The following ZNF385D variants were observed in gnomAD, a reference collection of about 807,000 sequenced individuals.
The protein encoded by ZNF385D is zinc finger protein 659.
In ZNF385D, 15 loss-of-function variants were observed where a neutral mutation model predicts 35.8. The observed-to-expected ratio is 0.42, with a 90% CI of 0.28 to 0.64. The LOEUF (loss-of-function observed/expected upper bound fraction) is 0.64. Among genes scored for constraint, ZNF385D ranks in the 30% least tolerant of loss-of-function variants. The pLI is 0.23. For missense variants in ZNF385D, 474 were observed against 494.6 expected (o/e 0.96, Z 0.39); for synonymous variants, 212 against 186.8 (o/e 1.13, Z -1.10).
chr3:22,215,851 A>C (rs1479706529), intron 2 of ZNF385D, among the ~76,000 whole-genome samples: 1 of 151,994 alleles, frequency 6.6e-6, no homozygotes, highest in African/African-American at 2.4e-5. Context: ...TGTCTCCCCT[A>C]GACACCCAGC....
In ZNF385D at chr3:21,897,317, G is replaced by A. The variant is rs1397287339; in HGVS notation, c.326-232289C>T. On this transcript the variant is annotated intron_variant, in intron 3 of 5. Transcript: ENST00000494108. The stretch of plus-strand genomic sequence containing the variant: ...CTGGGTGACTGATATTGATTACTAA[G>A]AACTATATAGTAAGAACAATATAAT... 2.0e-5 allele frequency among the ~76,000 whole-genome samples: 3 copies of A among 152,102 alleles called. No homozygotes were observed. The East Asian group carries it at 5.8e-4, about 29-fold the overall frequency.
rs960197202 is a variant in ZNF385D at position 21,865,724 on chromosome 3, G to A, written c.326-200696C>T. The stretch of plus-strand genomic sequence containing the variant: ...ACTTGAGCTTTCATTTACACAAACA[G>A]AATTTTGTTCCCATTAAAATTATTT... On this transcript the variant is annotated intron_variant, in intron 3 of 5. Transcript: ENST00000494108. 1.3e-5 allele frequency among the ~76,000 whole-genome samples: 2 copies of A among 152,086 alleles called. 1 individual carries two copies. Among genetic ancestry groups the A allele is most frequent in the South Asian group, 4.1e-4 (2 of 4,830 alleles).
At chr3:21,907,327 T>C (rs1242544894) in intron 3 of ZNF385D, among the ~76,000 whole-genome samples, 1 of 152,186 alleles carries the variant, frequency 6.6e-6, no homozygotes, top group East Asian at 1.9e-4. Context: ...ATATCTTTAC[T>C]TCTACAATAC....
intron 3 of ZNF385D, among the ~76,000 whole-genome samples, chr3:21,538,446 T>C (rs1268669953): frequency 3.9e-5 from 6 of 152,170 alleles, no homozygotes; most frequent in African/African-American, 1.4e-4. Context: ...TTCACTCTTT[T>C]ACACTCTTCA....
intron 2 of ZNF385D, among the ~76,000 whole-genome samples, chr3:22,348,319 G>A (rs1247159473): frequency 2.0e-5 from 3 of 151,866 alleles, no homozygotes; most frequent in South Asian, 4.2e-4. Flanking sequence ...TTGTTAGCGT[G>A]GTCCCTAATC....
At chr3:22,179,978 A>G (rs771779939) in intron 2 of ZNF385D, among the ~76,000 whole-genome samples, 4 of 152,230 alleles carry the variant, frequency 2.6e-5, no homozygotes, top group Non-Finnish European at 4.4e-5. Flanking sequence ...AAACCCTTCA[A>G]AAAATCAATG....
At chr3:21,442,323 G>A (rs1701903892) in intron 4 of ZNF385D, among the ~76,000 whole-genome samples, 1 of 152,046 alleles carries the variant, frequency 6.6e-6, no homozygotes, top group Non-Finnish European at 1.5e-5. Context: ...ACCCAAAGAT[G>A]TTCATCATGT....
chr3:22,366,839 C>T (rs142522969), intron 2 of ZNF385D, among the ~76,000 whole-genome samples: 28 of 152,124 alleles, frequency 1.8e-4, no homozygotes, highest in African/African-American at 6.7e-4. Flanking sequence ...AAAAGAGAAA[C>T]AAAGAGAGAT....
intron 3 of ZNF385D, among the ~76,000 whole-genome samples, chr3:21,801,791 T>C (rs935008394): frequency 3.3e-5 from 5 of 152,136 alleles, no homozygotes; most frequent in African/African-American, 9.7e-5. Context: ...AGAATCTCTA[T>C]ATTTAGAGTG....
chr3:21,794,559 G>C (rs1003136805), intron 3 of ZNF385D, among the ~76,000 whole-genome samples: 4 of 152,116 alleles, frequency 2.6e-5, no homozygotes, highest in Non-Finnish European at 5.9e-5. Context: ...ATATGCGGTG[G>C]GGGCTTGTTT....
upstream of ZNF385D, among the ~76,000 whole-genome samples, chr3:21,754,247 G>A (rs2070238293): frequency 1.3e-5 from 2 of 152,152 alleles, no homozygotes; most frequent in South Asian, 2.1e-4. Context: ...GAACATGCCA[G>A]CTGTGCCTGA....
intron 3 of ZNF385D, among the ~76,000 whole-genome samples, chr3:21,944,157 T>C (rs1327727077): frequency 6.6e-6 from 1 of 152,212 alleles, no homozygotes; most frequent in Non-Finnish European, 1.5e-5. Flanking sequence ...TTCTACAGTC[T>C]TACACATTAA....
At chr3:22,224,652 G>A (rs528562312) in intron 2 of ZNF385D, among the ~76,000 whole-genome samples, 107 of 152,286 alleles carry the variant, frequency 7.0e-4, no homozygotes, top group African/African-American at 2.5e-3. Context: ...AGTAAGGTGA[G>A]ACAATCTTTT....
chr3:21,916,065 A>G (rs10510521), intron 3 of ZNF385D, among the ~76,000 whole-genome samples: 2 of 151,934 alleles, frequency 1.3e-5, no homozygotes, highest in African/African-American at 4.8e-5. Context: ...TGTACTCCAA[A>G]ATGAAAAAGG....
intron 2 of ZNF385D, among the ~76,000 whole-genome samples, chr3:22,370,981 A>T (rs1329239878): frequency 6.6e-6 from 1 of 152,206 alleles, no homozygotes; most frequent in Non-Finnish European, 1.5e-5. Flanking sequence ...TTAACTCAAG[A>T]TGTTTGCCCA....
intron 3 of ZNF385D, among the ~76,000 whole-genome samples, chr3:21,785,150 G>T (rs949782433): frequency 2.0e-5 from 3 of 152,058 alleles, no homozygotes; most frequent in African/African-American, 7.2e-5. Context: ...TTAATAATTT[G>T]CCCCCAAATC....
rs1695517682 is a variant in ZNF385D, at chr3:21,839,304, GTAGC to G, written c.326-174280_326-174277del. Among the ~76,000 whole-genome samples, 6 of 152,090 alleles carry G rather than the reference GTAGC, an allele frequency of 3.9e-5. No individual in the cohort carries two copies. The South Asian group carries it at 1.2e-3, about 31-fold the overall frequency. On this transcript the variant is annotated intron_variant, in intron 3 of 5. Coordinates refer to the ZNF385D transcript ENST00000494108. ...ATCTCATATTATGAAATTCTCAGGA[GTAGC>G]TAGCTAAGTGAAACACCAGCCACAA...
chr3:22,107,367 TTA>T (rs925461713), intron 3 of ZNF385D, among the ~76,000 whole-genome samples: 2 of 151,996 alleles, frequency 1.3e-5, no homozygotes, highest in African/African-American at 4.8e-5. Context: ...TGTCAGAAAA[TTA>T]TGTTAAATTT....
intron 4 of ZNF385D, among the ~76,000 whole-genome samples, chr3:21,499,344 C>T (rs973102911): frequency 1.3e-5 from 2 of 151,782 alleles, no homozygotes; most frequent in Admixed American, 6.6e-5. Flanking sequence ...TGGATGGAGG[C>T]GGGGGCCATT....
Sources: allele counts gnomAD v4.1 joint callset (sites outside exome capture counted in the v4.1 genomes callset), GRCh38; gene constraint gnomAD v4.1.1; transcripts MANE v1.5; gene names NCBI Gene and HGNC (gene_info 2026-07-23, HGNC 2026-07-21).